HOOK1: variants seen among roughly 807,000 people sequenced by gnomAD.
HOOK1 encodes the protein protein Hook homolog 1.
In HOOK1, 60 loss-of-function variants were observed where a neutral mutation model predicts 112.8. That is an observed-to-expected ratio of 0.53 (90% CI 0.43 to 0.66). The LOEUF (loss-of-function observed/expected upper bound fraction) is 0.66, where lower values mean the gene tolerates loss of function less well. Ranked by LOEUF, HOOK1 falls within the 30% of genes least tolerant of loss-of-function variation. The pLI is 0.00. For synonymous variants in HOOK1, 294 were observed against 283.8 expected (o/e 1.04, Z -0.36); for missense variants, 770 against 856.0 (o/e 0.90, Z 1.25).
chr1:59,830,397 A>C (rs921741697), intron 3 of HOOK1, among the ~76,000 whole-genome samples: 2 of 152,054 alleles, frequency 1.3e-5, no homozygotes, highest in Admixed American at 6.5e-5. Flanking sequence ...ATTACACACT[A>C]TATTTCTTGT....
Position 59,843,604 on chromosome 1 carries a change from A to AT in HOOK1, c.788+11dup. 1 of 1,593,208 alleles carries AT rather than the reference A, an allele frequency of 6.3e-7. No homozygotes were observed. Among genetic ancestry groups the AT allele is most frequent in the Non-Finnish European group, 8.5e-7 (1 of 1,170,386 alleles). The stretch of plus-strand genomic sequence containing the variant: ...TTACAGGAAGAAAACTTCAGGTAGC[A>AT]TTTTTAATGGAAATCATTTTATGGA... On this transcript the variant is annotated splice_region_variant and intron_variant, in intron 9 of 21. Transcript: ENST00000371208.
chr1:59,865,125 T>C (rs1643937902), intron 17 of HOOK1, 38 bp from the exon 18 acceptor site: 1 of 1,251,310 alleles, frequency 8.0e-7, no homozygotes, highest in Non-Finnish European at 1.2e-6. Context: ...AAATGTTATA[T>C]GGCAGAGACC....
At chr1:59,869,017 G>A (rs1239889599) in intron 20 of HOOK1, among the ~76,000 whole-genome samples, 1 of 152,102 alleles carries the variant, frequency 6.6e-6, no homozygotes, top group East Asian at 1.9e-4. Context: ...AATTGAGCAC[G>A]TTCTGGTTTC....
At position 59,829,390 on chromosome 1, in the gene HOOK1, T is replaced by C. The variant is rs553320366; in HGVS notation, c.222+538T>C. On this transcript the variant is annotated intron_variant, in intron 3 of 21. Coordinates refer to ENST00000371208, the MANE Select transcript of HOOK1 (RefSeq NM_015888.6). ...ATTCATATATGAATCTTTGGATAGA[T>C]GCATATTTAATTTCTCTTGGGTGAA... 2.4e-4 allele frequency among the ~76,000 whole-genome samples: 36 copies of C among 152,260 alleles called. 1 individual carries two copies. In the South Asian group the frequency reaches 7.2e-3, roughly 31 times the overall value.
intron 1 of HOOK1, among the ~76,000 whole-genome samples, chr1:59,819,917 A>T (rs943998723): frequency 6.6e-6 from 1 of 152,090 alleles, no homozygotes; most frequent in Non-Finnish European, 1.5e-5. Context: ...TTAATTCATC[A>T]TCTCCTCTCA....
chr1:59,863,961 G>A, intron 16 of HOOK1: 1 of 259,276 alleles, frequency 3.9e-6, no homozygotes, highest in South Asian at 1.4e-4. Context: ...ATTTTGGCTG[G>A]CAGTGTTTTA....
rs1643925034 is a variant in HOOK1, at chr1:59,864,612, A to T, written c.1627-20A>T. Reference sequence around the variant, plus strand: ...TTGTCAAGATAGTCATCTTACAGCAATTTTTTTTAAATTTTATAGTCCAGC... The same window carrying T: ...TTGTCAAGATAGTCATCTTACAGCATTTTTTTTTAAATTTTATAGTCCAGC... On this transcript the variant is annotated intron_variant, in intron 16 of 21. Coordinates refer to ENST00000371208, the MANE Select transcript of HOOK1 (RefSeq NM_015888.6). The T allele has an allele frequency of 4.7e-6, 7 of 1,491,350 alleles. No individual in the cohort carries two copies. The highest frequency in any genetic ancestry group is 6.5e-6 in the Non-Finnish European group (7 of 1,075,426). 92.4% of individuals were successfully genotyped at this position (1,491,350 alleles called of 1,614,324 possible).
rs753724969 is a variant in HOOK1 at position 59,860,340 on chromosome 1, C to T, written c.1532+12C>T. 1.0e-5 allele frequency: 16 copies of T among 1,532,278 alleles called. No homozygotes were observed. Among genetic ancestry groups the T allele is most frequent in the Non-Finnish European group, 1.3e-5 (15 of 1,142,136 alleles). 94.9% of individuals were successfully genotyped at this position (1,532,278 alleles called of 1,614,324 possible). A position where few individuals can be genotyped will look rare whatever the true frequency, so the allele number is the denominator to read the frequency against. On this transcript the variant is annotated intron_variant, in intron 15 of 21. Coordinates refer to ENST00000371208, the MANE Select transcript of HOOK1 (RefSeq NM_015888.6). ...GAAACTGAGCAGAGGTGATATGCTC[C>T]TTAGTAACTGAAAATCTTGGTGATT...
chr1:59,864,205 G>A (rs1643916290), intron 16 of HOOK1, among the ~76,000 whole-genome samples: 1 of 151,654 alleles, frequency 6.6e-6, no homozygotes, highest in Admixed American at 6.6e-5. Context: ...TTATTATAAA[G>A]ATAATTATTT....
intron 16 of HOOK1, 70 bp from the exon 17 acceptor site, chr1:59,864,562 A>C (rs1643924272): frequency 2.1e-6 from 2 of 958,526 alleles, no homozygotes; most frequent in South Asian, 2.7e-5. Flanking sequence ...AGGTAAAGAG[A>C]TTTCGATGTC....
chr1:59,843,525 C>G lies in HOOK1; in HGVS notation c.715C>G (p.Pro239Ala), dbSNP rs2098402105. ...CCAGTTGGATGGCTCTTTTGATGAT[C>G]CAAACACAGTGGTTGCAAAAAAGTA... Reference protein sequence around the residue: ...LDQLDGSFDDPNTVVAKKYFH... With the variant: ...LDQLDGSFDDANTVVAKKYFH... The change falls in exon 9 of 22, where the codon CCA becomes GCA. Residue 239 changes from proline (P) to alanine (A), a missense_variant. Physicochemically the swap from Pro to Ala is conservative, Grantham distance 27 (BLOSUM62 -1). Coordinates refer to ENST00000371208, the MANE Select transcript of HOOK1 (RefSeq NM_015888.6). The G allele has an allele frequency of 6.2e-7, 1 of 1,609,432 alleles. No homozygotes were observed. Among genetic ancestry groups the G allele is most frequent in the Non-Finnish European group, 8.5e-7 (1 of 1,177,506 alleles).
At chr1:59,823,229 A>T (rs867678368) in intron 2 of HOOK1, among the ~76,000 whole-genome samples, 3 of 152,340 alleles carry the variant, frequency 2.0e-5, no homozygotes, top group African/African-American at 7.2e-5. Flanking sequence ...CTGAGGCAGG[A>T]GAATGGCGTG....
chr1:59,860,978 A>G (rs1196564878), intron 15 of HOOK1, among the ~76,000 whole-genome samples: 2 of 151,930 alleles, frequency 1.3e-5, no homozygotes, highest in African/African-American at 4.8e-5. Context: ...GGGTTTCACC[A>G]TGTTGACCAG....
chr1:59,866,209 G>A (rs913506914), intron 19 of HOOK1, among the ~76,000 whole-genome samples: 2 of 152,174 alleles, frequency 1.3e-5, no homozygotes, highest in Non-Finnish European at 2.9e-5. Flanking sequence ...ACAGACTGTC[G>A]TGATGTCAGA....
chr1:59,819,120 T>G (rs914507576), intron 1 of HOOK1, among the ~76,000 whole-genome samples: 4 of 148,730 alleles, frequency 2.7e-5, no homozygotes, highest in African/African-American at 9.9e-5. Flanking sequence ...TGCTTTGACC[T>G]CACTCGCCCC....
intron 17 of HOOK1, 166 bp downstream of exon 17, chr1:59,864,832 T>G (rs1450394857): frequency 1.7e-6 from 1 of 583,394 alleles, no homozygotes; most frequent in Non-Finnish European, 3.1e-6. Flanking sequence ...GCCTCCCTAC[T>G]ACCCCCGTTC....
In HOOK1 at chr1:59,828,820, A is replaced by G; in HGVS notation, c.190A>G (p.Lys64Glu). The change falls in exon 3 of 22, where the codon AAA (lysine) becomes GAA (glutamate). Residue 64 changes from lysine (K) to glutamate (E), a missense_variant. This residue lies in a region of HOOK1 where 655 missense variants were observed against 725.9 expected (regional missense o/e 0.90). Coordinates refer to ENST00000371208, the MANE Select transcript of HOOK1 (RefSeq NM_015888.6). ...WFNESWLSRI[K>E]EDVGDNWRIK... ...TAACGAATCTTGGTTAAGCCGAATTAAAGAGGATGTTGGGGACAACTGGAG... is the reference window on the plus strand; with the variant it reads ...TAACGAATCTTGGTTAAGCCGAATTGAAGAGGATGTTGGGGACAACTGGAG... 6.2e-7 allele frequency: 1 copy of G among 1,613,472 alleles called. No homozygotes were observed. The highest frequency in any genetic ancestry group is 8.5e-7 in the Non-Finnish European group (1 of 1,179,610).
At chr1:59,830,647 A>G (rs2102017197) in intron 3 of HOOK1, among the ~76,000 whole-genome samples, 1 of 152,198 alleles carries the variant, frequency 6.6e-6, no homozygotes, top group East Asian at 1.9e-4. Context: ...GACAATCTGT[A>G]TTTGATTCTT....
At chr1:59,845,620 G>C (rs2098403350) in intron 9 of HOOK1, among the ~76,000 whole-genome samples, 1 of 151,044 alleles carries the variant, frequency 6.6e-6, no homozygotes, top group Non-Finnish European at 1.5e-5. Flanking sequence ...TTTGTCAGAT[G>C]ATTTTTCTGC....
Sources: gnomAD v4.1 joint callset for allele counts (sites outside exome capture counted in the v4.1 genomes callset) on GRCh38, gnomAD v4.1.1 for gene constraint, gnomAD v4.1.1 regional missense constraint, MANE v1.5 for transcripts, NCBI Gene and HGNC (gene_info 2026-07-23, HGNC 2026-07-21) for gene names.